Variants in FSTL5 observed in about 807,000 individuals in gnomAD.
FSTL5 encodes the protein follistatin-related protein 5.
FSTL5 carries 62 observed loss-of-function variants against 89.1 expected under a neutral mutation model. The ratio of observed to expected loss-of-function variants is 0.70; its 90% CI spans 0.57 to 0.86. FSTL5 has a LOEUF of 0.86. FSTL5 is among the 40% of genes least tolerant of loss of function. The pLI is 0.00. For synonymous variants in FSTL5, 383 were observed against 346.2 expected, an observed-to-expected ratio of 1.11 and a Z score of -1.18; for missense variants, 1,057 against 1,001.6, an observed-to-expected ratio of 1.06 and a Z score of -0.75.
intron 15 of FSTL5, among the ~76,000 whole-genome samples, chr4:161,425,725 T>C (rs1732144947): frequency 6.6e-6 from 1 of 152,164 alleles, no homozygotes; most frequent in Non-Finnish European, 1.5e-5. Context: ...ACTTTGGAGA[T>C]GATCTGGTTC....
chr4:162,097,967 G>A (rs1730831941), intron 2 of FSTL5, among the ~76,000 whole-genome samples: 2 of 151,754 alleles, frequency 1.3e-5, no homozygotes, highest in South Asian at 4.1e-4. Context: ...AGCGACCCAA[G>A]GGAAACTGAA....
At chr4:161,998,521 T>A (rs915311632) in intron 3 of FSTL5, among the ~76,000 whole-genome samples, 6 of 152,248 alleles carry the variant, frequency 3.9e-5, no homozygotes, top group South Asian at 2.1e-4. Context: ...CCTTCACCTT[T>A]GTTTCAGCTT....
intron 4 of FSTL5, among the ~76,000 whole-genome samples, chr4:161,905,534 GA>G (rs59744257): frequency 0.51 from 77,936 of 151,756 alleles, 20,617 homozygotes; most frequent in Middle Eastern, 0.68. Context: ...TATTTGCTTA[GA>G]AAAAAAATTC....
At position 161,414,300 on chromosome 4, in the gene FSTL5, T is replaced by A. The variant is rs536915013; in HGVS notation, c.1842-27851A>T. 2.6e-5 allele frequency among the ~76,000 whole-genome samples: 4 copies of A among 152,278 alleles called. No individual in the cohort carries two copies. The East Asian group carries it at 5.8e-4, about 22-fold the overall frequency. ...ACATTTGAATAGTAGTTTTACCACATCTTCAATCCACTCTTAATTTTAATT... is the reference window on the plus strand; with the variant it reads ...ACATTTGAATAGTAGTTTTACCACAACTTCAATCCACTCTTAATTTTAATT... On this transcript the variant is annotated intron_variant, in intron 15 of 15. Coordinates refer to ENST00000306100, the MANE Select transcript of FSTL5 (RefSeq NM_020116.5).
chr4:161,944,477 T>C lies in FSTL5; in HGVS notation c.161-23825A>G, dbSNP rs527669567. 2.0e-3 allele frequency among the ~76,000 whole-genome samples: 311 copies of C among 151,998 alleles called. 1 individual carries two copies. Among genetic ancestry groups the C allele is most frequent in the African/African-American group, 7.1e-3 (294 of 41,488 alleles). On this transcript the variant is annotated intron_variant, in intron 3 of 15. Coordinates refer to ENST00000306100, the MANE Select transcript of FSTL5 (RefSeq NM_020116.5). Reference sequence around the variant, plus strand: ...ATGGTGAAGTGTAATTGAGTAACTGTTGGTTAATTAGAAAAGAATACAAGC... The same window carrying C: ...ATGGTGAAGTGTAATTGAGTAACTGCTGGTTAATTAGAAAAGAATACAAGC...
intron 4 of FSTL5, among the ~76,000 whole-genome samples, chr4:161,808,316 T>C (rs1331619904): frequency 3.3e-5 from 5 of 152,082 alleles, no homozygotes; most frequent in South Asian, 2.1e-4. Flanking sequence ...ACTCCACTTA[T>C]AGGCATACAT....
At chr4:162,086,509 A>G (rs1730327933) in intron 2 of FSTL5, among the ~76,000 whole-genome samples, 1 of 151,786 alleles carries the variant, frequency 6.6e-6, no homozygotes, top group African/African-American at 2.4e-5. Context: ...GTCATGCACT[A>G]CCGTTACTTT....
At chr4:161,508,800 C>G (rs1053416526) in intron 11 of FSTL5, among the ~76,000 whole-genome samples, 2 of 151,978 alleles carry the variant, frequency 1.3e-5, no homozygotes, top group South Asian at 4.1e-4. Flanking sequence ...AGTGCCAAAT[C>G]TATTTCAAAT....
At chr4:161,638,134 T>C (rs1264318626) in intron 7 of FSTL5, among the ~76,000 whole-genome samples, 2 of 151,146 alleles carry the variant, frequency 1.3e-5, no homozygotes, top group Non-Finnish European at 2.9e-5. Context: ...TCCTCTTTTA[T>C]TTCCTTGAGC....
chr4:161,975,806 T>TAAAAAAA (rs1735623371), intron 3 of FSTL5, among the ~76,000 whole-genome samples: 1 of 132,586 alleles, frequency 7.5e-6, no homozygotes, highest in Non-Finnish European at 1.6e-5. Flanking sequence ...AAATAAAAAA[T>TAAAAAAA]AAATAAAAAA....
chr4:161,916,370 G>A (rs1733838556), intron 4 of FSTL5, among the ~76,000 whole-genome samples: 1 of 152,152 alleles, frequency 6.6e-6, no homozygotes. Flanking sequence ...TGTTTTGTAT[G>A]AGGGAATGAC....
At chr4:161,739,150 C>A (rs1471770403) in intron 6 of FSTL5, among the ~76,000 whole-genome samples, 3 of 152,110 alleles carry the variant, frequency 2.0e-5, no homozygotes, top group Non-Finnish European at 4.4e-5. Context: ...TAGAATGTGT[C>A]CTTATTTAGA....
intron 7 of FSTL5, among the ~76,000 whole-genome samples, chr4:161,611,256 A>G (rs1457030647): frequency 7.4e-6 from 1 of 135,972 alleles, no homozygotes; most frequent in African/African-American, 2.8e-5. Flanking sequence ...ATATATATAT[A>G]TATATATATA....
At chr4:161,994,296 G>A (rs1052268327) in intron 3 of FSTL5, among the ~76,000 whole-genome samples, 1 of 152,102 alleles carries the variant, frequency 6.6e-6, no homozygotes. Context: ...GTCATTGATG[G>A]GCATTTAGGT....
intron 7 of FSTL5, among the ~76,000 whole-genome samples, chr4:161,635,827 C>T (rs930915543): frequency 2.6e-5 from 4 of 152,098 alleles, no homozygotes; most frequent in Non-Finnish European, 5.9e-5. Context: ...AATTTGAGAA[C>T]ATTTACTAGA....
intron 1 of FSTL5, among the ~76,000 whole-genome samples, chr4:162,146,045 AT>A (rs1561044451): frequency 1.3e-5 from 2 of 152,094 alleles, no homozygotes; most frequent in Admixed American, 1.3e-4. Context: ...TAAGATTTTG[AT>A]TTTTTTATAA....
chr4:161,862,408 T>C (rs1731946182), intron 4 of FSTL5, among the ~76,000 whole-genome samples: 1 of 152,140 alleles, frequency 6.6e-6, no homozygotes, highest in Admixed American at 6.5e-5. Context: ...CCATATTCAG[T>C]GTAGGCTGGA....
chr4:161,698,654 C>A (rs190741271), intron 6 of FSTL5, among the ~76,000 whole-genome samples: 2 of 152,256 alleles, frequency 1.3e-5, no homozygotes, highest in East Asian at 1.9e-4. Flanking sequence ...GAAGGCCAGG[C>A]GCAGTGGCTC....
rs755401562 is a variant in FSTL5 at position 161,920,660 on chromosome 4, A to AT, written c.161-9dup. The AT allele has an allele frequency of 1.4e-5, 20 of 1,469,400 alleles. No homozygotes were observed. In the East Asian group the frequency reaches 2.9e-4, roughly 21 times the overall value. The allele number at this position is 1,469,400 out of a possible 1,614,324, so 91.0% of individuals were successfully genotyped here. A position where few individuals can be genotyped will look rare whatever the true frequency, so the allele number is the denominator to read the frequency against. On this transcript the variant is annotated splice_polypyrimidine_tract_variant and intron_variant, in intron 3 of 15. Transcript: ENST00000306100. ...CATCCTGAATCATAAATCCTGAAGA[A>AT]TTAAAAAAAAATTGAAAATCGTTTG... is the stretch of plus-strand genomic sequence containing the variant.
Sources: gnomAD v4.1 joint callset for allele counts (sites outside exome capture counted in the v4.1 genomes callset) on GRCh38, gnomAD v4.1.1 for gene constraint, MANE v1.5 for transcripts, NCBI Gene and HGNC (gene_info 2026-07-23, HGNC 2026-07-21) for gene names.